Variants in BFSP2 observed in about 807,000 individuals in gnomAD.
The protein encoded by BFSP2 is beaded filament structural protein 2.
A neutral mutation model predicts 44.9 loss-of-function variants in BFSP2; 38 were observed. The ratio of observed to expected loss-of-function variants is 0.85; its 90% CI spans 0.65 to 1.11. The LOEUF is 1.11. BFSP2 is among the 50% of genes least tolerant of loss of function. The pLI, the probability that BFSP2 is intolerant of heterozygous loss-of-function variation, is 0.00. For synonymous variants in BFSP2, 197 were observed against 209.9 expected (o/e 0.94, Z 0.53); for missense variants, 525 against 533.0 (o/e 0.99, Z 0.15).
intron 1 of BFSP2, among the ~76,000 whole-genome samples, chr3:133,439,544 C>A (rs1361809796): frequency 6.6e-6 from 1 of 152,154 alleles, no homozygotes; most frequent in Non-Finnish European, 1.5e-5. Context: ...ATGGGGAGTA[C>A]TGAGGATACC....
intron 1 of BFSP2, among the ~76,000 whole-genome samples, chr3:133,421,658 G>A (rs11713014): frequency 0.63 from 96,221 of 152,112 alleles, 32,044 homozygotes; most frequent in East Asian, 0.83. Flanking sequence ...GTACACAATT[G>A]AATCCATAAC....
chr3:133,424,134 C>G (rs1282650444), intron 1 of BFSP2, among the ~76,000 whole-genome samples: 1 of 151,792 alleles, frequency 6.6e-6, no homozygotes, highest in African/African-American at 2.4e-5. Flanking sequence ...TCACTGCAAC[C>G]TCCGCCGCCC....
Position 133,400,115 on chromosome 3 carries a change from C to CA in BFSP2, c.32_33insA (p.Thr12HisfsTer98). The CA allele has an allele frequency of 6.2e-7, 1 of 1,614,156 alleles. No homozygotes were observed. The highest frequency in any genetic ancestry group is 1.7e-5 in the Admixed American group (1 of 60,036). ...GAGAGGCGAGTGGTAGTGGACTTGC[C>CA]CACCAGTGCCAGCTCCAGCATGCCC... On this transcript the variant is annotated frameshift_variant, in exon 1 of 7. Transcript: ENST00000302334. LOFTEE classifies it high-confidence loss of function. This position sits in a 1 kb window ranked among gnomAD's most constrained non-coding sequence, Gnocchi z 4.0.
At chr3:133,467,295 GC>G (rs1236515976) in intron 5 of BFSP2, among the ~76,000 whole-genome samples, 2 of 152,170 alleles carry the variant, frequency 1.3e-5, no homozygotes, top group Middle Eastern at 3.2e-3. Context: ...GTTAGGCCCT[GC>G]CCCCCAAGGC....
intron 5 of BFSP2, 90 bp from the exon 6 acceptor site, chr3:133,472,255 C>T: frequency 1.4e-6 from 2 of 1,406,168 alleles, no homozygotes; most frequent in Admixed American, 2.0e-5. Context: ...GTCCAGGCTA[C>T]CACCAGCCCC....
At chr3:133,453,365 T>A (rs192186298) in intron 4 of BFSP2, among the ~76,000 whole-genome samples, 2 of 152,368 alleles carry the variant, frequency 1.3e-5, no homozygotes, top group East Asian at 3.8e-4. Flanking sequence ...CCACAGAGGC[T>A]GAAAATTAAT....
At chr3:133,464,450 C>G (rs2074091253) in intron 4 of BFSP2, among the ~76,000 whole-genome samples, 1 of 152,150 alleles carries the variant, frequency 6.6e-6, no homozygotes, top group Non-Finnish European at 1.5e-5. Flanking sequence ...AAATTAGATA[C>G]TTGATTAAAA....
At chr3:133,456,712 C>G (rs1334989275) in intron 4 of BFSP2, among the ~76,000 whole-genome samples, 1 of 152,170 alleles carries the variant, frequency 6.6e-6, no homozygotes, top group Non-Finnish European at 1.5e-5. Flanking sequence ...GATCGCACCA[C>G]TGCACTCCAG....
Position 133,440,471 on chromosome 3 carries a change from T to C in BFSP2, c.490-6846T>C, listed in dbSNP as rs553044658. Among the ~76,000 whole-genome samples the C allele has an allele frequency of 2.0e-5, 3 of 152,286 alleles. No homozygotes were observed. In the East Asian group the frequency reaches 5.8e-4, roughly 29 times the overall value. On this transcript the variant is annotated intron_variant, in intron 1 of 6. Coordinates refer to ENST00000302334, the MANE Select transcript of BFSP2 (RefSeq NM_003571.4). ...AAAGGGCTGTCTCACAACAAACTCA[T>C]CTGACATAAACAACCAGGACTGTGT...
intron 1 of BFSP2, among the ~76,000 whole-genome samples, chr3:133,402,513 G>A (rs1416655311): frequency 6.7e-6 from 1 of 150,248 alleles, no homozygotes; most frequent in African/African-American, 2.5e-5. Context: ...ATCCCACATG[G>A]GCTCACTTTC....
intron 4 of BFSP2, among the ~76,000 whole-genome samples, chr3:133,463,182 G>T (rs1399962811): frequency 6.6e-6 from 1 of 152,070 alleles, no homozygotes; most frequent in East Asian, 1.9e-4. Context: ...GGTGGCAGGC[G>T]CCTGTAATCT....
chr3:133,430,186 T>C (rs1477947581), intron 1 of BFSP2, among the ~76,000 whole-genome samples: 2 of 152,136 alleles, frequency 1.3e-5, no homozygotes, highest in African/African-American at 4.8e-5. Context: ...TCCAAGTCTT[T>C]GCTATTGTGA....
chr3:133,434,411 C>T (rs964235646), intron 1 of BFSP2, among the ~76,000 whole-genome samples: 4 of 152,242 alleles, frequency 2.6e-5, no homozygotes, highest in African/African-American at 7.2e-5. Flanking sequence ...CCCCTAATCC[C>T]GCTCGAAGCA....
rs553211 is a variant in BFSP2, at chr3:133,400,858, A to G, written c.489+286A>G. The stretch of plus-strand genomic sequence containing the variant: ...CATTTTTCAGATGAGAAACTGAGGC[A>G]TGTAATTTGCCCAAGACTTCAAAGC... On this transcript the variant is annotated intron_variant, in intron 1 of 6. Transcript: ENST00000302334. This position sits in a 1 kb window ranked among gnomAD's most constrained non-coding sequence, Gnocchi z 4.0. Among the ~76,000 whole-genome samples, 57,227 of 152,162 alleles carry G rather than the reference A, an allele frequency of 0.38. 12,761 individuals carry two copies. Among genetic ancestry groups the G allele is most frequent in the East Asian group, 0.52 (2,689 of 5,174 alleles).
intron 4 of BFSP2, among the ~76,000 whole-genome samples, chr3:133,465,023 T>C (rs2074097520): frequency 6.6e-6 from 1 of 151,214 alleles, no homozygotes; most frequent in African/African-American, 2.4e-5. Context: ...TTTTTTTCTT[T>C]TTGAGATGGA....
intron 1 of BFSP2, among the ~76,000 whole-genome samples, chr3:133,413,380 A>G (rs149610310): frequency 6.6e-6 from 1 of 152,118 alleles, no homozygotes; most frequent in East Asian, 1.9e-4. Flanking sequence ...CGTACAGAAG[A>G]GCAATAGGAA....
intron 1 of BFSP2, among the ~76,000 whole-genome samples, chr3:133,401,308 T>G (rs910580401): frequency 6.6e-6 from 1 of 152,240 alleles, no homozygotes; most frequent in Non-Finnish European, 1.5e-5. Flanking sequence ...ATCTTATATC[T>G]GCACTGTCCA....
chr3:133,436,815 C>T (rs1474258342), intron 1 of BFSP2, among the ~76,000 whole-genome samples: 2 of 152,142 alleles, frequency 1.3e-5, no homozygotes, highest in Non-Finnish European at 2.9e-5. Flanking sequence ...TCCAAGTGTC[C>T]TCATTGTTCA....
At chr3:133,446,883 C>T (rs996646700) in intron 1 of BFSP2, among the ~76,000 whole-genome samples, 3 of 151,602 alleles carry the variant, frequency 2.0e-5, no homozygotes, top group Non-Finnish European at 4.4e-5. Flanking sequence ...GCATTTCCAC[C>T]GTCACAGGAA....
Sources: allele counts gnomAD v4.1 joint callset (sites outside exome capture counted in the v4.1 genomes callset), GRCh38; gene constraint gnomAD v4.1.1; non-coding constraint Gnocchi (gnomAD v3.1); transcripts MANE v1.5; gene names NCBI Gene and HGNC (gene_info 2026-07-23, HGNC 2026-07-21).